The following MTMR8 variants were observed in gnomAD, a reference collection of about 807,000 sequenced individuals.
MTMR8 encodes myotubularin related protein 8, also known as phosphatidylinositol-3,5-bisphosphate 3-phosphatase MTMR8.
MTMR8 carries 65 observed loss-of-function variants against 39.3 expected under a neutral mutation model. That is an observed-to-expected ratio of 1.65 (90% CI 1.35 to 2.03). The LOEUF is 2.03. MTMR8 is among the 30% of genes most tolerant of loss of function. The probability of loss-of-function intolerance (pLI) is 0.00; values close to 1 mark genes in which losing one functional copy is unlikely to be tolerated. For missense variants in MTMR8, 777 were observed against 538.9 expected (o/e 1.44, Z -4.37); for synonymous variants, 245 against 185.2 (o/e 1.32, Z -2.62).
chrX:64,322,997 C>CAA (rs1428992993), intron 12 of MTMR8, among the ~76,000 whole-genome samples: 1 of 112,885 alleles, frequency 8.9e-6, no homozygotes, highest in Non-Finnish European at 1.9e-5. Flanking sequence ...TGTCCATGTG[C>CAA]AACCCTGTGC....
At chrX:64,316,986 C>T in intron 12 of MTMR8, among the ~76,000 whole-genome samples, 1 of 108,723 alleles carries the variant, frequency 9.2e-6, no homozygotes, top group Non-Finnish European at 1.9e-5. Context: ...GTGATGTGTG[C>T]CTGTAGTCCC....
In MTMR8 at chrX:64,268,859, A is replaced by G; in HGVS notation, c.1793T>C (p.Met598Thr). ...LSREGGLRAQMDQVKSQGADL... is the reference protein window; with the variant it reads ...LSREGGLRAQTDQVKSQGADL... ...TGCACCCTGGCTTTTTACTTGATCC[A>G]TCTGAGCTCGGAGGCCTCCTTCCCT... is the stretch of plus-strand genomic sequence containing the variant. The change falls in exon 14 of 14, where the codon ATG (methionine) becomes ACG (threonine). Residue 598 changes from methionine (M) to threonine (T), a missense_variant. Physicochemically the swap from Met to Thr is moderately conservative, Grantham distance 81 (BLOSUM62 -1). Coordinates refer to ENST00000374852, the MANE Select transcript of MTMR8 (RefSeq NM_017677.4). 1.7e-6 allele frequency: 2 copies of G among 1,211,580 alleles called. No homozygotes were observed. Among genetic ancestry groups the G allele is most frequent in the Non-Finnish European group, 2.2e-6 (2 of 895,490 alleles).
intron 12 of MTMR8, among the ~76,000 whole-genome samples, chrX:64,291,568 C>A (rs935017143): frequency 1.8e-5 from 2 of 111,095 alleles, no homozygotes; most frequent in East Asian, 5.7e-4. Flanking sequence ...GTGGTCATAT[C>A]TTTTCCTTCT....
chrX:64,359,476 C>T lies in MTMR8; in HGVS notation c.76G>A (p.Gly26Arg), dbSNP rs1317875794. ...TGGGTTGCAGTAAGATAAAGAATCC[C>T]ATTAGCTGGTTTCTTACTCACATAA... ...DRYVSKKPANGILYLTATHLI... is the reference protein window; with the variant it reads ...DRYVSKKPANRILYLTATHLI... Residue 26 changes from glycine (G) to arginine (R), a missense_variant, in exon 2 of 14, where the codon GGG (glycine) becomes AGG (arginine). Coordinates refer to ENST00000374852, the MANE Select transcript of MTMR8 (RefSeq NM_017677.4). The T allele has an allele frequency of 1.7e-6, 2 of 1,207,819 alleles. No homozygotes were observed. The highest frequency in any genetic ancestry group is 3.5e-5 in the South Asian group (2 of 56,603).
In MTMR8 at chrX:64,356,285, A is replaced by G; in HGVS notation, c.201T>C (p.Gly67=). ...TCTTGCAGCGGAGGGTCAGGGGACA[A>G]CCCAGGCTAGTGATGGGTAACTTCT... is the stretch of plus-strand genomic sequence containing the variant. The part of the protein sequence containing the change: ...TVEKLPITSL[G]CPLTLRCKNF... The change falls in exon 3 of 14, where the codon GGT becomes GGC. Residue 67 remains glycine, a synonymous_variant. Coordinates refer to ENST00000374852, the MANE Select transcript of MTMR8 (RefSeq NM_017677.4). The G allele has an allele frequency of 8.3e-7, 1 of 1,209,839 alleles. No homozygotes were observed. Among genetic ancestry groups the G allele is most frequent in the Non-Finnish European group, 1.1e-6 (1 of 894,746 alleles).
intron 1 of MTMR8, among the ~76,000 whole-genome samples, chrX:64,385,611 G>A (rs1240316702): frequency 9.0e-6 from 1 of 111,557 alleles, no homozygotes; most frequent in Non-Finnish European, 1.9e-5. Flanking sequence ...GGAGGCCTCA[G>A]GAAGCTTATA....
At chrX:64,318,243 TG>T (rs1210951713) in intron 12 of MTMR8, among the ~76,000 whole-genome samples, 1 of 112,258 alleles carries the variant, frequency 8.9e-6, no homozygotes, top group Non-Finnish European at 1.9e-5. Context: ...GGGGGCCATT[TG>T]GGTATTTTGT....
intron 1 of MTMR8, among the ~76,000 whole-genome samples, chrX:64,386,243 A>G (rs1405046027): frequency 1.8e-5 from 2 of 111,976 alleles, no homozygotes; most frequent in Non-Finnish European, 3.8e-5. Context: ...AGGTTCCCCA[A>G]TTCATGAATT....
At chrX:64,296,349 A>C (rs1308901632) in intron 12 of MTMR8, among the ~76,000 whole-genome samples, 1 of 111,183 alleles carries the variant, frequency 9.0e-6, no homozygotes, top group Non-Finnish European at 1.9e-5. Context: ...TATGCTATGG[A>C]GTTTCTGTTT....
At chrX:64,301,897 C>A (rs1380512969) in intron 12 of MTMR8, among the ~76,000 whole-genome samples, 6 of 111,882 alleles carry the variant, frequency 5.4e-5, no homozygotes, top group Non-Finnish European at 1.1e-4. Context: ...GGGTCAGGGA[C>A]CCACTTGAGG....
At chrX:64,302,655 A>G (rs770456523) in intron 12 of MTMR8, among the ~76,000 whole-genome samples, 20 of 112,868 alleles carry the variant, frequency 1.8e-4, no homozygotes, top group Non-Finnish European at 2.6e-4. Flanking sequence ...AAAGCTTGAT[A>G]GTACCAATCT....
Position 64,359,527 on chromosome X carries a change from C to A in MTMR8, c.25G>T (p.Val9Leu). 2 of 1,196,352 alleles carry A rather than the reference C, an allele frequency of 1.7e-6. No individual in the cohort carries two copies. Among genetic ancestry groups the A allele is most frequent in the Non-Finnish European group, 2.3e-6 (2 of 886,706 alleles). Residue 9 changes from valine (V) to leucine (L), a missense_variant and splice_region_variant, in exon 2 of 14, where the codon GTA becomes TTA. Coordinates refer to ENST00000374852, the MANE Select transcript of MTMR8 (RefSeq NM_017677.4). ...CGATCCACCAATTTCACGTTTTCTACCTGTTATTGGAGGAAAAAATACTGA... is the reference window on the plus strand; with the variant it reads ...CGATCCACCAATTTCACGTTTTCTAACTGTTATTGGAGGAAAAAATACTGA... MDHITVPK[V>L]ENVKLVDRYV...
At chrX:64,272,396 T>C (rs1382688602) in intron 12 of MTMR8, among the ~76,000 whole-genome samples, 1 of 110,283 alleles carries the variant, frequency 9.1e-6, no homozygotes, top group Non-Finnish European at 1.9e-5. Context: ...AAGAATCCAA[T>C]AGAGGAGTTC....
chrX:64,314,370 T>C lies in MTMR8; in HGVS notation c.1481+14402A>G, dbSNP rs963857833. On this transcript the variant is annotated intron_variant, in intron 12 of 13. Transcript: ENST00000374852. ...ATGCAGGCATTCACAGTAGTGGCGG[T>C]GGAGGCTCAGGAGGGCAGAGGCCTG... Among the ~76,000 whole-genome samples the C allele has an allele frequency of 6.9e-4, 78 of 112,290 alleles. 1 individual carries two copies. Among genetic ancestry groups the C allele is most frequent in the Non-Finnish European group, 3.2e-4 (17 of 53,183 alleles).
intron 12 of MTMR8, among the ~76,000 whole-genome samples, chrX:64,274,821 A>G (rs970533551): frequency 2.7e-5 from 3 of 112,146 alleles, no homozygotes; most frequent in African/African-American, 9.7e-5. Flanking sequence ...GACAAAAACT[A>G]TATCTTCTCA....
chrX:64,365,867 C>A (rs778270323), intron 1 of MTMR8, among the ~76,000 whole-genome samples: 9 of 111,219 alleles, frequency 8.1e-5, no homozygotes, highest in South Asian at 3.8e-4. Context: ...GGAGAGCCAT[C>A]TCACATGCAG....
At chrX:64,330,252 A>G (rs950446428) in intron 11 of MTMR8, among the ~76,000 whole-genome samples, 3 of 112,199 alleles carry the variant, frequency 2.7e-5, no homozygotes, top group Admixed American at 9.5e-5. Flanking sequence ...GCGTAGGTAA[A>G]CAAAGACAGA....
chrX:64,305,124 G>T, intron 12 of MTMR8: 1 of 215,008 alleles, frequency 4.7e-6, no homozygotes, highest in South Asian at 7.9e-5. Context: ...CTGGATCAAG[G>T]CTAAGATCTT....
intron 6 of MTMR8, among the ~76,000 whole-genome samples, chrX:64,346,145 C>T (rs1340056647): frequency 1.8e-5 from 2 of 111,430 alleles, no homozygotes; most frequent in East Asian, 2.8e-4. Flanking sequence ...AGCCAAGATA[C>T]TGTCTACGAT....
Sources: allele counts gnomAD v4.1 joint callset (sites outside exome capture counted in the v4.1 genomes callset), GRCh38; gene constraint gnomAD v4.1.1; transcripts MANE v1.5; gene names NCBI Gene and HGNC (gene_info 2026-07-23, HGNC 2026-07-21).